The following MYO18B variants were observed in gnomAD, a reference collection of about 807,000 sequenced individuals.
MYO18B encodes the protein myosin XVIIIB.
Under a neutral mutation model 273.0 loss-of-function variants are expected in MYO18B, and 204 were observed. The ratio of observed to expected loss-of-function variants is 0.75; its 90% CI spans 0.67 to 0.84. The LOEUF is 0.84. MYO18B is among the 40% of genes least tolerant of loss of function. MYO18B has a pLI of 0.00. For missense variants in MYO18B, 3,212 were observed against 3,287.6 expected (o/e 0.98, Z 0.56); for synonymous variants, 1,330 against 1,305.7 (o/e 1.02, Z -0.40).
intron 42 of MYO18B, chr22:26,006,384 C>T (rs1934422224): frequency 1.9e-5 from 4 of 214,622 alleles, no homozygotes; most frequent in Non-Finnish European, 4.1e-5. Context: ...AAAAAGTAGG[C>T]ACTTTTTACA....
At chr22:25,831,945 C>T (rs115463643) in intron 15 of MYO18B, among the ~76,000 whole-genome samples, 1 of 152,080 alleles carries the variant, frequency 6.6e-6, no homozygotes, top group African/African-American at 2.4e-5. Flanking sequence ...CCATTAGCAA[C>T]TGGAAAAATT....
chr22:26,004,858 A>G lies in MYO18B; in HGVS notation c.6470+3A>G, dbSNP rs1934298319. ...AGCAGCCGCATCCTCAGCCCCAGGT[A>G]AGAGTATCTCCTTGCTGCCTCTGGA... On this transcript the variant is annotated splice_donor_region_variant and intron_variant, in intron 42 of 43. Transcript: ENST00000335473. The G allele has an allele frequency of 6.2e-7, 1 of 1,613,386 alleles. No individual in the cohort carries two copies.
intron 9 of MYO18B, among the ~76,000 whole-genome samples, chr22:25,781,371 A>C (rs1323163417): frequency 3.9e-5 from 6 of 152,106 alleles, no homozygotes. Flanking sequence ...GCACTTTGGG[A>C]GGCTGAGACG....
At chr22:25,899,540 A>G (rs2091887062) in intron 29 of MYO18B, 1 of 152,188 alleles carries the variant, frequency 6.6e-6, no homozygotes, top group Non-Finnish European at 1.5e-5. Context: ...ATTAAATATT[A>G]TTTATCTTAT....
intron 39 of MYO18B, among the ~76,000 whole-genome samples, chr22:25,970,312 G>A (rs1269969733): frequency 6.6e-6 from 1 of 152,222 alleles, no homozygotes; most frequent in Non-Finnish European, 1.5e-5. Flanking sequence ...GTGATTCAGA[G>A]CAGGCATATA....
intron 34 of MYO18B, among the ~76,000 whole-genome samples, chr22:25,944,258 A>G (rs560198144): frequency 2.0e-5 from 3 of 151,792 alleles, no homozygotes; most frequent in East Asian, 1.9e-4. Context: ...CTCTACATCA[A>G]TTTTCTCAGT....
intron 21 of MYO18B, among the ~76,000 whole-genome samples, chr22:25,853,209 G>A (rs566452308): frequency 6.6e-6 from 1 of 152,200 alleles, no homozygotes; most frequent in Non-Finnish European, 1.5e-5. Context: ...CACAGACCAT[G>A]TGTTCACAAT....
At chr22:26,014,470 C>T (rs1000410188) in intron 42 of MYO18B, among the ~76,000 whole-genome samples, 5 of 152,164 alleles carry the variant, frequency 3.3e-5, no homozygotes, top group Admixed American at 6.5e-5. Context: ...CTGTATTCAC[C>T]TTCAGTGTAT....
At chr22:25,923,820 C>T (rs777541381) in intron 34 of MYO18B, among the ~76,000 whole-genome samples, 4 of 152,164 alleles carry the variant, frequency 2.6e-5, no homozygotes, top group African/African-American at 4.8e-5. Flanking sequence ...TCCCTTCCCC[C>T]AACAGGTGGA....
intron 25 of MYO18B, among the ~76,000 whole-genome samples, chr22:25,888,888 A>G (rs1272926209): frequency 6.6e-6 from 1 of 152,196 alleles, no homozygotes; most frequent in Non-Finnish European, 1.5e-5. Flanking sequence ...TGGAGAAGTG[A>G]AACAGATGGG....
rs76984187 is a variant in MYO18B at position 25,800,568 on chromosome 22, A to G, written c.2521+2471A>G. 8.9e-3 allele frequency among the ~76,000 whole-genome samples: 1,362 copies of G among 152,348 alleles called. 17 individuals carry two copies. The highest frequency in any genetic ancestry group is 0.03 in the African/African-American group (1,262 of 41,574). On this transcript the variant is annotated intron_variant, in intron 12 of 43. Coordinates refer to ENST00000335473, the MANE Select transcript of MYO18B (RefSeq NM_032608.7). ...AGGGAAGGCAGGTAGTATAAGGTGC[A>G]TGAAGGAGTGGCTTACCCCTGGGAA... is the stretch of plus-strand genomic sequence containing the variant.
intron 12 of MYO18B, among the ~76,000 whole-genome samples, chr22:25,802,416 T>G (rs578067014): frequency 6.6e-6 from 1 of 152,222 alleles, no homozygotes; most frequent in Admixed American, 6.5e-5. Context: ...TTATTGGCAA[T>G]TAACTCAATC....
rs1051691141 is a variant in MYO18B, at chr22:25,824,054, C to T, written c.2695+376C>T. Among the ~76,000 whole-genome samples the T allele has an allele frequency of 1.5e-4, 23 of 152,066 alleles. 1 individual carries two copies. Among genetic ancestry groups the T allele is most frequent in the African/African-American group, 4.6e-4 (19 of 41,394 alleles). ...GGATGGAAATCCCGAGTGGCTGCTGCGAGGTGGAGGGATGGGAGAAGATGA... is the reference window on the plus strand; with the variant it reads ...GGATGGAAATCCCGAGTGGCTGCTGTGAGGTGGAGGGATGGGAGAAGATGA... On this transcript the variant is annotated intron_variant, in intron 13 of 43. Coordinates refer to ENST00000335473, the MANE Select transcript of MYO18B (RefSeq NM_032608.7).
chr22:26,027,539 A>C lies in MYO18B; in HGVS notation c.7565A>C (p.Asp2522Ala). ...TCCATCGTGTCCTTCAAAAGTGCTGACAGCATCAAAAGTCGACCAGGAATC... is the reference window on the plus strand; with the variant it reads ...TCCATCGTGTCCTTCAAAAGTGCTGCCAGCATCAAAAGTCGACCAGGAATC... Reference protein sequence around the residue: ...SGSIVSFKSADSIKSRPGIPR... With the variant: ...SGSIVSFKSAASIKSRPGIPR... The change falls in exon 43 of 44, where the codon GAC becomes GCC. Residue 2522 changes from aspartate (D) to alanine (A), a missense_variant. Asp to Ala is a moderately radical substitution (Grantham distance 126). Coordinates refer to ENST00000335473, the MANE Select transcript of MYO18B (RefSeq NM_032608.7). This position sits in a 1 kb window ranked among gnomAD's most constrained non-coding sequence, Gnocchi z 4.1. 6.2e-7 allele frequency: 1 copy of C among 1,613,966 alleles called. No individual in the cohort carries two copies. The highest frequency in any genetic ancestry group is 1.7e-5 in the Admixed American group (1 of 60,026).
At chr22:25,776,116 A>G (rs1444903956) in intron 7 of MYO18B, among the ~76,000 whole-genome samples, 1 of 152,066 alleles carries the variant, frequency 6.6e-6, no homozygotes, top group Non-Finnish European at 1.5e-5. Flanking sequence ...ACCTTAAAAA[A>G]CCCATATAAA....
At chr22:25,851,390 T>C (rs1360532233) in intron 20 of MYO18B, 80 bp from the exon 21 acceptor site, 1 of 935,036 alleles carries the variant, frequency 1.1e-6, no homozygotes, top group Non-Finnish European at 1.7e-6. Context: ...CCTGCACTCC[T>C]GTCTAGGGGT....
In MYO18B at chr22:25,920,711, C is replaced by T. The variant is rs547606549; in HGVS notation, c.5365-546C>T. 4.6e-5 allele frequency among the ~76,000 whole-genome samples: 7 copies of T among 152,304 alleles called. No individual in the cohort carries two copies. The South Asian group carries it at 1.2e-3, about 27-fold the overall frequency. The stretch of plus-strand genomic sequence containing the variant: ...GGTGTAACACAAATACAGAGTACTC[C>T]GTATCCCACGTGTACAGCTCAGTGA... On this transcript the variant is annotated intron_variant, in intron 33 of 43. Transcript: ENST00000335473.
intron 35 of MYO18B, 111 bp from the exon 36 acceptor site, chr22:25,947,601 G>C (rs150625698): frequency 2.9e-6 from 2 of 678,872 alleles, no homozygotes; most frequent in Non-Finnish European, 5.1e-6. Flanking sequence ...AACATTGATG[G>C]TCACTCACCT....
intron 42 of MYO18B, among the ~76,000 whole-genome samples, chr22:26,010,952 A>C (rs570173546): frequency 3.3e-5 from 5 of 152,060 alleles, no homozygotes; most frequent in African/African-American, 1.2e-4. Flanking sequence ...AGCCCTAAGG[A>C]GATACCAAGA....
Sources: allele counts gnomAD v4.1 joint callset (sites outside exome capture counted in the v4.1 genomes callset), GRCh38; gene constraint gnomAD v4.1.1; non-coding constraint Gnocchi (gnomAD v3.1); transcripts MANE v1.5; gene names NCBI Gene and HGNC (gene_info 2026-07-23, HGNC 2026-07-21).